The following CDC14B variants were observed in gnomAD, a reference collection of about 807,000 sequenced individuals.
CDC14B encodes the protein dual specificity protein phosphatase CDC14B.
CDC14B carries 22 observed loss-of-function variants against 64.2 expected under a neutral mutation model. The ratio of observed to expected loss-of-function variants is 0.34; its 90% CI spans 0.24 to 0.49. The LOEUF (loss-of-function observed/expected upper bound fraction) is 0.49, where lower values mean the gene tolerates loss of function less well. Ranked by LOEUF, CDC14B falls within the 20% of genes least tolerant of loss-of-function variation. CDC14B has a pLI of 0.99. For missense variants in CDC14B, 498 were observed against 629.9 expected, an observed-to-expected ratio of 0.79 and a Z score of 2.24; for synonymous variants, 191 against 215.8, an observed-to-expected ratio of 0.89 and a Z score of 1.01.
intron 13 of CDC14B, among the ~76,000 whole-genome samples, chr9:96,495,069 C>T (rs1166365594): frequency 1.3e-5 from 2 of 151,822 alleles, no homozygotes; most frequent in Admixed American, 1.3e-4. Context: ...CTCCTGACCT[C>T]ATGATCCACC....
chr9:96,559,058 G>A (rs1842838089), intron 4 of CDC14B, among the ~76,000 whole-genome samples: 6 of 152,080 alleles, frequency 3.9e-5, no homozygotes, highest in South Asian at 4.1e-4. Context: ...CACACATGAC[G>A]CCTGACCATC....
At chr9:96,542,555 TGCA>T (rs1840212340) in intron 5 of CDC14B, among the ~76,000 whole-genome samples, 1 of 152,070 alleles carries the variant, frequency 6.6e-6, no homozygotes, top group Non-Finnish European at 1.5e-5. Flanking sequence ...TGGGGTGCAG[TGCA>T]GCTCACTGCA....
At chr9:96,497,324 C>T (rs899939642), downstream of CDC14B, among the ~76,000 whole-genome samples, 1 of 151,648 alleles carries the variant, frequency 6.6e-6, no homozygotes, top group Non-Finnish European at 1.5e-5. Context: ...AGGCGGGAGG[C>T]CCCCCACTCC....
intron 6 of CDC14B, among the ~76,000 whole-genome samples, chr9:96,540,992 G>A (rs180911879): frequency 2.6e-4 from 40 of 152,288 alleles, no homozygotes; most frequent in Non-Finnish European, 5.0e-4. Flanking sequence ...TAGTCCTCTC[G>A]TTTTAAGACA....
chr9:96,576,739 T>C (rs190806480), intron 1 of CDC14B, among the ~76,000 whole-genome samples: 153 of 151,758 alleles, frequency 1.0e-3, no homozygotes, highest in African/African-American at 3.5e-3. Flanking sequence ...TAGGAGTAAT[T>C]AGTACATCCA....
chr9:96,566,541 C>T (rs1204111274), intron 1 of CDC14B, among the ~76,000 whole-genome samples: 1 of 152,194 alleles, frequency 6.6e-6, no homozygotes, highest in Non-Finnish European at 1.5e-5. Flanking sequence ...CTCCCGCGGG[C>T]GGGGAGGTGC....
At chr9:96,509,083 A>C (rs770146458) in intron 13 of CDC14B, among the ~76,000 whole-genome samples, 20 of 152,196 alleles carry the variant, frequency 1.3e-4, no homozygotes, top group Non-Finnish European at 2.9e-4. Context: ...CTGTTTTCAG[A>C]ATACTTTAAA....
rs563139579 is a variant in CDC14B at position 96,610,404 on chromosome 9, T to C, written c.160+8815A>G. 2.0e-4 allele frequency among the ~76,000 whole-genome samples: 30 copies of C among 152,194 alleles called. No individual in the cohort carries two copies. The South Asian group carries it at 5.8e-3, about 30-fold the overall frequency. Reference sequence around the variant, plus strand: ...TAGTAGTGATGGGGTTTCAGCATGTTAGCCAGGATGGTCTTGATCTCCTGA... The same window carrying C: ...TAGTAGTGATGGGGTTTCAGCATGTCAGCCAGGATGGTCTTGATCTCCTGA... On this transcript the variant is annotated intron_variant, in intron 1 of 13. Coordinates refer to ENST00000375241, the MANE Select transcript of CDC14B (RefSeq NM_033331.4).
intron 1 of CDC14B, among the ~76,000 whole-genome samples, chr9:96,608,901 AC>A (rs1847136834): frequency 1.4e-5 from 2 of 145,178 alleles, no homozygotes; most frequent in African/African-American, 2.6e-5. Context: ...AGACACACAC[AC>A]ACACACACAC....
intron 9 of CDC14B, 47 bp downstream of exon 9, chr9:96,533,880 A>G (rs1246820526): frequency 8.4e-7 from 1 of 1,185,796 alleles, no homozygotes; most frequent in East Asian, 2.5e-5. Context: ...CTACATATTC[A>G]TATACTCATA....
At chr9:96,581,909 G>A (rs559862097) in intron 1 of CDC14B, among the ~76,000 whole-genome samples, 4 of 152,266 alleles carry the variant, frequency 2.6e-5, no homozygotes, top group Admixed American at 6.5e-5. Flanking sequence ...GGAAAGATGC[G>A]ATAACAACTC....
At chr9:96,614,658 T>C (rs1847515398) in intron 1 of CDC14B, among the ~76,000 whole-genome samples, 1 of 152,040 alleles carries the variant, frequency 6.6e-6, no homozygotes, top group South Asian at 2.1e-4. Context: ...ATTTAAGGGA[T>C]GGGAAAATAG....
intron 5 of CDC14B, among the ~76,000 whole-genome samples, chr9:96,551,111 C>CTTTTTTTTTTTTTGTTTTTTT (rs1841752018): frequency 1.1e-5 from 1 of 93,296 alleles, no homozygotes; most frequent in Non-Finnish European, 2.0e-5. Flanking sequence ...TTGGGGTTTG[C>CTTTTTTTTTTTTTGTTTTTTT]TTTTTTTTTT....
intron 1 of CDC14B, chr9:96,618,413 A>T: frequency 9.9e-6 from 5 of 507,426 alleles, no homozygotes; most frequent in South Asian, 7.5e-5. Context: ...CAAACCTAAC[A>T]GCTGCCAAAT....
At chr9:96,551,112 T>C (rs1027081325) in intron 5 of CDC14B, among the ~76,000 whole-genome samples, 61 of 52,782 alleles carry the variant, frequency 1.2e-3, no homozygotes, top group African/African-American at 6.2e-3. Flanking sequence ...TGGGGTTTGC[T>C]TTTTTTTTTT....
chr9:96,507,691 G>A lies in CDC14B; in HGVS notation c.1460+1982C>T, dbSNP rs185599386. Among the ~76,000 whole-genome samples the A allele has an allele frequency of 1.6e-3, 236 of 152,220 alleles. 1 individual carries two copies. The highest frequency in any genetic ancestry group is 5.1e-3 in the African/African-American group (212 of 41,544). The stretch of plus-strand genomic sequence containing the variant: ...GGCCTCCCAAAGTCCTGGGATTACA[G>A]GCGTGAGCCACCGCGCCCAGCCTGA... On this transcript the variant is annotated intron_variant, in intron 13 of 13. Transcript: ENST00000375241.
rs1379180431 is a variant in CDC14B at position 96,502,928 on chromosome 9, C to T, written c.*825G>A. The T allele has an allele frequency of 2.5e-6, 1 of 398,238 alleles. No homozygotes were observed. Among genetic ancestry groups the T allele is most frequent in the South Asian group, 1.3e-4 (1 of 7,854 alleles). 24.7% of individuals were successfully genotyped at this position (398,238 alleles called of 1,614,324 possible). On this transcript the variant is annotated 3_prime_UTR_variant, in exon 14 of 14. Transcript: ENST00000375241. The stretch of plus-strand genomic sequence containing the variant: ...GGAAAAACCAATAGTGTGTTTCTTC[C>T]ATTCATGGAAGGAAATATGATTTTA...
chr9:96,555,557 G>C (rs16911255), intron 4 of CDC14B, among the ~76,000 whole-genome samples: 1,565 of 152,316 alleles, frequency 0.01, 22 homozygotes, highest in African/African-American at 0.035. Context: ...AATTTGCTGG[G>C]CAGCAATAGT....
At chr9:96,579,554 C>T (rs926642664) in intron 1 of CDC14B, among the ~76,000 whole-genome samples, 1 of 150,802 alleles carries the variant, frequency 6.6e-6, no homozygotes, top group Admixed American at 6.6e-5. Flanking sequence ...CAATGCACTC[C>T]AGCCTGGGTG....
Sources: gnomAD v4.1 joint callset for allele counts (sites outside exome capture counted in the v4.1 genomes callset) on GRCh38, gnomAD v4.1.1 for gene constraint, MANE v1.5 for transcripts, NCBI Gene and HGNC (gene_info 2026-07-23, HGNC 2026-07-21) for gene names.